The following EYS variants were observed in gnomAD, a reference collection of about 807,000 sequenced individuals.
EYS encodes the protein protein eyes shut homolog.
EYS carries 250 observed loss-of-function variants against 282.1 expected under a neutral mutation model. The ratio of observed to expected loss-of-function variants is 0.89; its 90% CI spans 0.80 to 0.98. EYS has a LOEUF of 0.98. Ranked by LOEUF, EYS falls within the 50% of genes least tolerant of loss-of-function variation. EYS has a pLI of 0.00. For synonymous variants in EYS, 1,355 were observed against 1,282.9 expected (o/e 1.06, Z -1.20); for missense variants, 4,016 against 3,709.0 (o/e 1.08, Z -2.15).
At chr6:65,493,979 A>T (rs1435350049) in intron 4 of EYS, among the ~76,000 whole-genome samples, 1 of 152,198 alleles carries the variant, frequency 6.6e-6, no homozygotes, top group African/African-American at 2.4e-5. Flanking sequence ...TTTATTTTCA[A>T]GTTATCACCT....
chr6:65,082,756 G>T (rs1340009947), intron 12 of EYS, among the ~76,000 whole-genome samples: 1 of 151,704 alleles, frequency 6.6e-6, no homozygotes, highest in African/African-American at 2.4e-5. Flanking sequence ...ATTACTATCA[G>T]CCTGTTTTGA....
intron 31 of EYS, among the ~76,000 whole-genome samples, chr6:64,103,247 A>G (rs561766649): frequency 3.2e-4 from 49 of 152,310 alleles, no homozygotes; most frequent in South Asian, 4.1e-4. Flanking sequence ...CAAAAGAAAA[A>G]TGTTATAAAC....
At chr6:65,608,322 A>G (rs1765874156) in intron 2 of EYS, among the ~76,000 whole-genome samples, 2 of 152,184 alleles carry the variant, frequency 1.3e-5, no homozygotes, top group South Asian at 4.1e-4. Flanking sequence ...GTAAAAATAC[A>G]GTTTAAAAGA....
Position 64,945,930 on chromosome 6 carries a change from A to G in EYS, c.2260-16T>C. ...ACTGGTAGCTCTAAGAGAATATGAA[A>G]TTATATATTTTTAGGCTATTTCTTA... On this transcript the variant is annotated splice_polypyrimidine_tract_variant and intron_variant, in intron 14 of 42. Transcript: ENST00000503581. 6.5e-7 allele frequency: 1 copy of G among 1,534,034 alleles called. No homozygotes were observed. Among genetic ancestry groups the G allele is most frequent in the Non-Finnish European group, 8.8e-7 (1 of 1,135,682 alleles).
At chr6:65,220,469 C>G (rs1025468860) in intron 12 of EYS, among the ~76,000 whole-genome samples, 3 of 152,136 alleles carry the variant, frequency 2.0e-5, no homozygotes, top group Admixed American at 2.0e-4. Flanking sequence ...TGCACATGCT[C>G]TCCTGCCTGT....
intron 36 of EYS, among the ~76,000 whole-genome samples, chr6:63,863,676 T>TTTTCTTTTC (rs1234597773): frequency 0.028 from 1,577 of 55,948 alleles, 25 homozygotes; most frequent in East Asian, 0.08. Flanking sequence ...TTCTTTTTTC[T>TTTTCTTTTC]TTTTTTTTTT....
intron 2 of EYS, among the ~76,000 whole-genome samples, chr6:65,636,722 GT>G (rs1358380036): frequency 6.6e-6 from 1 of 151,840 alleles, no homozygotes; most frequent in Non-Finnish European, 1.5e-5. Flanking sequence ...TATAATTTAT[GT>G]ACTATAATAT....
chr6:65,428,794 A>G (rs748508794), intron 5 of EYS, among the ~76,000 whole-genome samples: 1 of 152,156 alleles, frequency 6.6e-6, no homozygotes, highest in Non-Finnish European at 1.5e-5. Flanking sequence ...CAGTAAAACT[A>G]TCAAAAACTG....
At chr6:64,751,340 C>T (rs567623319) in intron 22 of EYS, among the ~76,000 whole-genome samples, 1 of 152,270 alleles carries the variant, frequency 6.6e-6, no homozygotes, top group South Asian at 2.1e-4. Flanking sequence ...ACTATACTTC[C>T]CGGTTAGGAG....
In EYS at chr6:63,741,991, A is replaced by C. The variant is rs775027281; in HGVS notation, c.8072-15311T>G. The C allele has an allele frequency of 1.7e-5, 12 of 702,014 alleles. No homozygotes were observed. The East Asian group carries it at 3.2e-4, about 19-fold the overall frequency. The allele number at this position is 702,014 out of a possible 1,614,324, so 43.5% of individuals were successfully genotyped here. ...AGGATAAGTGCTAAGAAGACAAGAG[A>C]AGGGTCTTTTTTGTCTGCTGCTATT... On this transcript the variant is annotated intron_variant, in intron 41 of 42. Coordinates refer to ENST00000503581, the MANE Select transcript of EYS (RefSeq NM_001142800.2).
At chr6:64,787,191 G>A (rs542398390) in intron 22 of EYS, among the ~76,000 whole-genome samples, 19 of 152,212 alleles carry the variant, frequency 1.2e-4, no homozygotes, top group African/African-American at 4.6e-4. Flanking sequence ...GCTCAGTAGT[G>A]CGTTCCTCAT....
chr6:65,034,336 T>C (rs1772699845), intron 13 of EYS, among the ~76,000 whole-genome samples: 5 of 152,170 alleles, frequency 3.3e-5, no homozygotes, highest in Admixed American at 3.3e-4. Context: ...TATTTTTTGA[T>C]GTGAGAAGTA....
At chr6:64,167,024 T>C (rs1265927295) in intron 31 of EYS, among the ~76,000 whole-genome samples, 1 of 152,212 alleles carries the variant, frequency 6.6e-6, no homozygotes, top group East Asian at 1.9e-4. Flanking sequence ...GGTTATTTAA[T>C]CAGTTTCTAA....
chr6:65,624,523 A>G (rs191842108), intron 2 of EYS, among the ~76,000 whole-genome samples: 3 of 152,200 alleles, frequency 2.0e-5, no homozygotes, highest in Admixed American at 1.3e-4. Context: ...GATGCAAAGT[A>G]TTGTTCCTGG....
At chr6:65,602,267 G>C (rs1454382136) in intron 2 of EYS, among the ~76,000 whole-genome samples, 2 of 151,780 alleles carry the variant, frequency 1.3e-5, no homozygotes, top group Non-Finnish European at 2.9e-5. Context: ...TGAAACTATA[G>C]TTTAGAACTC....
chr6:63,753,462 T>TAAAA (rs1223918616), intron 41 of EYS, among the ~76,000 whole-genome samples: 2 of 151,930 alleles, frequency 1.3e-5, no homozygotes, highest in Non-Finnish European at 2.9e-5. Context: ...ATCTAGATTT[T>TAAAA]AAAAAAAATC....
intron 2 of EYS, among the ~76,000 whole-genome samples, chr6:65,573,567 G>A (rs1764553393): frequency 6.6e-6 from 1 of 152,238 alleles, no homozygotes; most frequent in Admixed American, 6.5e-5. Context: ...TGTTCACGCA[G>A]GTATTCTGTG....
At chr6:64,864,904 T>A (rs2150050694) in intron 19 of EYS, among the ~76,000 whole-genome samples, 1 of 151,894 alleles carries the variant, frequency 6.6e-6, no homozygotes, top group African/African-American at 2.4e-5. Context: ...GGCACAGTGG[T>A]GGGCATCTGT....
At chr6:64,891,029 A>C (rs1767274053) in intron 18 of EYS, among the ~76,000 whole-genome samples, 1 of 152,110 alleles carries the variant, frequency 6.6e-6, no homozygotes, top group Non-Finnish European at 1.5e-5. Flanking sequence ...AAATTTCAAG[A>C]ATCTGTTAAA....
Sources: allele counts gnomAD v4.1 joint callset (sites outside exome capture counted in the v4.1 genomes callset), GRCh38; gene constraint gnomAD v4.1.1; transcripts MANE v1.5; gene names NCBI Gene and HGNC (gene_info 2026-07-23, HGNC 2026-07-21).